B3GAT2: variants seen among roughly 807,000 people sequenced by gnomAD.
B3GAT2 encodes galactosylgalactosylxylosylprotein 3-beta-glucuronosyltransferase 2.
B3GAT2 carries 26 observed loss-of-function variants against 27.8 expected under a neutral mutation model. The observed-to-expected ratio is 0.93, with a 90% CI of 0.68 to 1.30. The LOEUF is 1.30. Among genes scored for constraint, B3GAT2 ranks in the 50% most tolerant of loss-of-function variants. B3GAT2 has a pLI of 0.00. For missense variants in B3GAT2, 458 were observed against 459.0 expected (o/e 1.00, Z 0.02); for synonymous variants, 218 against 195.1 (o/e 1.12, Z -0.98).
Position 70,859,540 on chromosome 6 carries a change from C to CT in B3GAT2, c.*2122dup, listed in dbSNP as rs1771608108. ...ATTAAATTAAGAACACAGTCTAACT[C>CT]TGAGTGTAAGTTTTAAACCCACTCA... On this transcript the variant is annotated 3_prime_UTR_variant, in exon 4 of 4. Transcript: ENST00000230053. The CT allele has an allele frequency of 3.2e-6, 2 of 620,608 alleles. No homozygotes were observed. Among genetic ancestry groups the CT allele is most frequent in the Non-Finnish European group, 5.3e-6 (2 of 376,724 alleles). 38.4% of individuals were successfully genotyped at this position (620,608 alleles called of 1,614,324 possible).
intron 2 of B3GAT2, among the ~76,000 whole-genome samples, chr6:70,884,761 G>A (rs992830641): frequency 5.9e-5 from 9 of 152,246 alleles, no homozygotes; most frequent in African/African-American, 2.2e-4. Flanking sequence ...GGAGGGCAGT[G>A]TGTGCCACTC....
At chr6:70,909,560 A>T (rs1772656308) in intron 1 of B3GAT2, among the ~76,000 whole-genome samples, 1 of 152,236 alleles carries the variant, frequency 6.6e-6, no homozygotes, top group Non-Finnish European at 1.5e-5. Flanking sequence ...TTCCTGATAA[A>T]AGTGGGAATT....
At chr6:70,901,445 A>C (rs1009670814) in intron 1 of B3GAT2, among the ~76,000 whole-genome samples, 8 of 152,248 alleles carry the variant, frequency 5.3e-5, no homozygotes, top group African/African-American at 1.7e-4. Context: ...GAAAGGAAAG[A>C]AGCATTCAAA....
intron 1 of B3GAT2, among the ~76,000 whole-genome samples, chr6:70,920,004 C>G (rs564862760): frequency 6.6e-6 from 1 of 152,136 alleles, no homozygotes. Context: ...TGCCCTGCCC[C>G]CGAGGTAGAA....
chr6:70,856,817 T>C lies in B3GAT2; in HGVS notation c.*4846A>G, dbSNP rs764119082. 9.7e-6 allele frequency: 15 copies of C among 1,543,836 alleles called. No individual in the cohort carries two copies. In the East Asian group the frequency reaches 3.2e-4, roughly 33 times the overall value. Reference sequence around the variant, plus strand: ...TTTAAGTAATGGATAAGCTGCGCTTTACTATGCAGAATTTGATAGCTTATT... The same window carrying C: ...TTTAAGTAATGGATAAGCTGCGCTTCACTATGCAGAATTTGATAGCTTATT... On this transcript the variant is annotated 3_prime_UTR_variant, in exon 4 of 4. Coordinates refer to ENST00000230053, the MANE Select transcript of B3GAT2 (RefSeq NM_080742.3).
chr6:70,936,742 A>G (rs1462087206), intron 1 of B3GAT2, among the ~76,000 whole-genome samples: 1 of 152,126 alleles, frequency 6.6e-6, no homozygotes, highest in African/African-American at 2.4e-5. Flanking sequence ...TCTCTGGGAT[A>G]CATTCAAAGC....
At chr6:70,945,260 C>T (rs755984021) in intron 1 of B3GAT2, among the ~76,000 whole-genome samples, 5 of 152,042 alleles carry the variant, frequency 3.3e-5, no homozygotes, top group African/African-American at 9.7e-5. Context: ...AGGCTTCAGA[C>T]GTTCAAACTA....
intron 1 of B3GAT2, among the ~76,000 whole-genome samples, chr6:70,955,251 T>C (rs775513871): frequency 5.9e-5 from 9 of 151,636 alleles, no homozygotes; most frequent in East Asian, 2.0e-4. Flanking sequence ...AGGACCTCCA[T>C]AGAAGTCAGT....
At chr6:70,869,289 A>G (rs1771898442) in intron 2 of B3GAT2, among the ~76,000 whole-genome samples, 1 of 152,168 alleles carries the variant, frequency 6.6e-6, no homozygotes, top group Admixed American at 6.5e-5. Flanking sequence ...AGCTGGGACT[A>G]TAAGGTGCAT....
intron 2 of B3GAT2, among the ~76,000 whole-genome samples, chr6:70,892,770 C>A (rs932379800): frequency 6.6e-6 from 1 of 152,174 alleles, no homozygotes. Flanking sequence ...CAGCAAGAAG[C>A]CCGATTTTCA....
Position 70,955,981 on chromosome 6 carries a change from C to G in B3GAT2, c.449G>C (p.Arg150Pro). ...LHVPTPRRYKRPGLPRATEQR... is the reference protein window; with the variant it reads ...LHVPTPRRYKPPGLPRATEQR... ...CTCAGTGGCGCGCGGCAGCCCGGGC[C>G]GCTTGTAGCGCCGCGGCGTGGGCAC... The change falls in exon 1 of 4, where the codon CGG (arginine) becomes CCG (proline). Residue 150 changes from arginine to proline, a missense_variant. Physicochemically the swap from Arg to Pro is moderately radical, Grantham distance 103. Transcript: ENST00000230053. 1 of 1,460,342 alleles carries G rather than the reference C, an allele frequency of 6.8e-7. No homozygotes were observed. The allele number at this position is 1,460,342 out of a possible 1,614,324, so 90.5% of individuals were successfully genotyped here.
At chr6:70,929,664 A>G (rs946263847) in intron 1 of B3GAT2, among the ~76,000 whole-genome samples, 2 of 152,214 alleles carry the variant, frequency 1.3e-5, no homozygotes, top group African/African-American at 4.8e-5. Context: ...TTCAAGGAGA[A>G]CTACAAACCA....
intron 1 of B3GAT2, among the ~76,000 whole-genome samples, chr6:70,930,817 A>G (rs1345401679): frequency 6.6e-6 from 1 of 152,226 alleles, no homozygotes; most frequent in African/African-American, 2.4e-5. Flanking sequence ...CATTTGACCC[A>G]GCCATCCCAT....
In B3GAT2 at chr6:70,956,124, G is replaced by A; in HGVS notation, c.306C>T (p.Ala102=). The A allele has an allele frequency of 1.2e-6, 2 of 1,603,650 alleles. No individual in the cohort carries two copies. Among genetic ancestry groups the A allele is most frequent in the South Asian group, 2.2e-5 (2 of 89,604 alleles). Residue 102 remains alanine, a synonymous_variant, in exon 1 of 4, where the codon GCC becomes GCT. Transcript: ENST00000230053. ...PVQKAELTRL[A]NTFRQVAQLH... ...GCTGCGCCACCTGGCGGAACGTGTT[G>A]GCCAGGCGGGTCAGCTCCGCTTTCT...
chr6:70,907,842 C>T (rs949361593), intron 1 of B3GAT2, among the ~76,000 whole-genome samples: 1 of 152,192 alleles, frequency 6.6e-6, no homozygotes, highest in Non-Finnish European at 1.5e-5. Context: ...TGTATCAAGC[C>T]TCTCAGTAGT....
chr6:70,953,143 T>A (rs575538413), intron 1 of B3GAT2, among the ~76,000 whole-genome samples: 1 of 152,240 alleles, frequency 6.6e-6, no homozygotes, highest in Non-Finnish European at 1.5e-5. Context: ...CTAATTGGTG[T>A]GCATGCACAA....
At chr6:70,906,715 A>G (rs1168034281) in intron 1 of B3GAT2, among the ~76,000 whole-genome samples, 1 of 152,200 alleles carries the variant, frequency 6.6e-6, no homozygotes, top group Non-Finnish European at 1.5e-5. Context: ...TTTCACAGAA[A>G]TGAAATACAG....
Position 70,861,615 on chromosome 6 carries a change from C to T in B3GAT2, c.*48G>A. The T allele has an allele frequency of 6.5e-7, 1 of 1,543,232 alleles. No homozygotes were observed. Among genetic ancestry groups the T allele is most frequent in the African/African-American group, 1.4e-5 (1 of 73,558 alleles). On this transcript the variant is annotated 3_prime_UTR_variant, in exon 4 of 4. Coordinates refer to ENST00000230053, the MANE Select transcript of B3GAT2 (RefSeq NM_080742.3). ...TAGCCTAAACTCCAAACATCCTCTT[C>T]CATATGGATCCACTGGCTGGACAAA... is the stretch of plus-strand genomic sequence containing the variant.
chr6:70,882,872 A>C (rs1295673482), intron 2 of B3GAT2, among the ~76,000 whole-genome samples: 1 of 152,210 alleles, frequency 6.6e-6, no homozygotes, highest in Non-Finnish European at 1.5e-5. Context: ...GAACTGTGAG[A>C]AAATCCATTT....
Sources: gnomAD v4.1 joint callset for allele counts (sites outside exome capture counted in the v4.1 genomes callset) on GRCh38, gnomAD v4.1.1 for gene constraint, MANE v1.5 for transcripts, NCBI Gene and HGNC (gene_info 2026-07-23, HGNC 2026-07-21) for gene names.